SCN11A: variants seen among roughly 807,000 people sequenced by gnomAD.
SCN11A encodes sodium channel protein type 11 subunit alpha.
SCN11A carries 122 observed loss-of-function variants against 162.2 expected under a neutral mutation model. The ratio of observed to expected loss-of-function variants is 0.75; its 90% confidence interval spans 0.65 to 0.87. The LOEUF (loss-of-function observed/expected upper bound fraction) is 0.87, where lower values mean the gene tolerates loss of function less well. Among genes scored for constraint, SCN11A ranks in the 40% least tolerant of loss-of-function variants. SCN11A has a pLI of 0.00. For missense variants in SCN11A, 2,015 were observed against 2,181.6 expected (o/e 0.92, Z 1.52); for synonymous variants, 758 against 751.5 (o/e 1.01, Z -0.14).
At position 38,903,764 on chromosome 3, in the gene SCN11A, A is replaced by C. The variant is rs2065741318; in HGVS notation, c.1842+101T>G. The C allele has an allele frequency of 3.4e-6, 3 of 877,108 alleles. No individual in the cohort carries two copies. In the Admixed American group the frequency reaches 8.9e-5, roughly 26 times the overall value. 54.3% of individuals were successfully genotyped at this position (877,108 alleles called of 1,614,324 possible). ...CTCACTCCACTGAAGGGGACCAAAA[A>C]CCTAGGTTAGGTTAGCTCATTCACA... On this transcript the variant is annotated intron_variant, in intron 16 of 29. Coordinates refer to ENST00000302328, the MANE Select transcript of SCN11A (RefSeq NM_001349253.2).
intron 9 of SCN11A, among the ~76,000 whole-genome samples, chr3:38,922,592 T>C (rs1217794455): frequency 6.6e-6 from 1 of 152,090 alleles, no homozygotes; most frequent in Non-Finnish European, 1.5e-5. Flanking sequence ...TATTTACTTA[T>C]GTGAAAATAA....
rs72855722 is a variant in SCN11A at position 38,925,190 on chromosome 3, A to G, written c.712+225T>C. On this transcript the variant is annotated intron_variant, in intron 9 of 29. Coordinates refer to ENST00000302328, the MANE Select transcript of SCN11A (RefSeq NM_001349253.2). The stretch of plus-strand genomic sequence containing the variant: ...TCTCCCCACCCCCACCATAGAAGGT[A>G]AAACTCCATGAGTCCGTATCCATTT... Among the ~76,000 whole-genome samples the G allele has an allele frequency of 0.067, 10,173 of 151,600 alleles. 1,103 individuals are homozygous for G. The highest frequency in any genetic ancestry group is 0.23 in the African/African-American group (9,348 of 41,220).
intron 1 of SCN11A, among the ~76,000 whole-genome samples, chr3:39,043,178 G>A (rs986480797): frequency 2.0e-5 from 3 of 152,018 alleles, no homozygotes; most frequent in African/African-American, 4.8e-5. Flanking sequence ...AAATGTTGGC[G>A]AGGATGTGGA....
At chr3:38,898,444 C>A (rs530472638) in intron 17 of SCN11A, among the ~76,000 whole-genome samples, 1 of 152,280 alleles carries the variant, frequency 6.6e-6, no homozygotes, top group South Asian at 2.1e-4. Context: ...AAAACATTTA[C>A]CATGTGGCCC....
chr3:38,921,297 A>T, intron 9 of SCN11A, 42 bp from the exon 10 acceptor site: 1 of 1,588,794 alleles, frequency 6.3e-7, no homozygotes, highest in African/African-American at 1.3e-5. Context: ...CATCCCCCTC[A>T]GCCAGACACT....
At position 38,847,012 on chromosome 3, in the gene SCN11A, A is replaced by C. The variant is rs2064679230; in HGVS notation, c.5058T>G (p.Leu1686=). The C allele has an allele frequency of 1.2e-6, 2 of 1,613,982 alleles. No homozygotes were observed. Among genetic ancestry groups the C allele is most frequent in the African/African-American group, 1.3e-5 (1 of 74,904 alleles). ...SEDRLHCMDI[L]FAFTARVLGG... ...CGAGTACCCTAGCGGTGAAGGCGAA[A>C]AGAATATCCATGCAGTGGAGGCGAT... The change falls in exon 30 of 30, where the codon CTT becomes CTG. Residue 1686 remains leucine (L), a synonymous_variant. Coordinates refer to ENST00000302328, the MANE Select transcript of SCN11A (RefSeq NM_001349253.2).
intron 9 of SCN11A, among the ~76,000 whole-genome samples, chr3:38,921,707 G>A (rs1575294507): frequency 6.6e-6 from 1 of 152,152 alleles, no homozygotes; most frequent in Non-Finnish European, 1.5e-5. Flanking sequence ...GTGGGGTATA[G>A]GGGATGAAGG....
chr3:38,914,633 T>C (rs562883335), intron 11 of SCN11A, among the ~76,000 whole-genome samples: 3 of 152,356 alleles, frequency 2.0e-5, no homozygotes, highest in East Asian at 3.9e-4. Flanking sequence ...TTGTCATAGA[T>C]GGCTCTTATT....
At chr3:38,979,668 C>T (rs2029946180) in intron 2 of SCN11A, among the ~76,000 whole-genome samples, 1 of 152,216 alleles carries the variant, frequency 6.6e-6, no homozygotes, top group Non-Finnish European at 1.5e-5. Context: ...GCCAAGTCTG[C>T]ATAGTGTTTC....
rs756161746 is a variant in SCN11A, at chr3:38,846,795, G to A, written c.5275C>T (p.Gln1759Ter). 1.9e-6 allele frequency: 3 copies of A among 1,614,008 alleles called. No individual in the cohort carries two copies. Among genetic ancestry groups the A allele is most frequent in the Non-Finnish European group, 2.5e-6 (3 of 1,179,988 alleles). ...TGAGGCCCGTTTTCCAAGTCATTTT[G>A]GTCACCTTGGTCACCCTTGGTCACC... is the stretch of plus-strand genomic sequence containing the variant. ...MKVTKGDQGD[Q>*]NDLENGPHSP... Residue 1759 changes from glutamine to a stop codon, truncating the protein, a stop_gained, in exon 30 of 30, where the codon CAA becomes TAA. Coordinates refer to ENST00000302328, the MANE Select transcript of SCN11A (RefSeq NM_001349253.2). LOFTEE classifies it low-confidence loss of function (END_TRUNC).
chr3:38,850,298 ACTCT>A, intron 29 of SCN11A, 179 bp downstream of exon 29: 1 of 588,444 alleles, frequency 1.7e-6, no homozygotes. Context: ...AACAGAAATT[ACTCT>A]CTATCTCCTA....
intron 7 of SCN11A, among the ~76,000 whole-genome samples, chr3:38,942,309 A>G (rs940164520): frequency 6.6e-6 from 1 of 152,166 alleles, no homozygotes; most frequent in African/African-American, 2.4e-5. Context: ...CTAAGTAAAA[A>G]TCAGTAAAGG....
intron 28 of SCN11A, among the ~76,000 whole-genome samples, chr3:38,859,100 C>T (rs1424820693): frequency 1.3e-5 from 2 of 151,774 alleles, no homozygotes; most frequent in Admixed American, 6.6e-5. Flanking sequence ...AATCTAAGGT[C>T]AGATCTCAAG....
chr3:39,002,767 ATT>A (rs2030855936), intron 2 of SCN11A, among the ~76,000 whole-genome samples: 1 of 152,184 alleles, frequency 6.6e-6, no homozygotes, highest in African/African-American at 2.4e-5. Flanking sequence ...CTCTTCTGTA[ATT>A]TTGTTTGCTT....
chr3:38,951,165 C>A (rs1049521487), intron 4 of SCN11A, among the ~76,000 whole-genome samples: 1 of 152,204 alleles, frequency 6.6e-6, no homozygotes, highest in Admixed American at 6.5e-5. Context: ...GAGGCGCGAG[C>A]GGGAACCGGG....
At chr3:39,029,724 T>C (rs985301835) in intron 2 of SCN11A, among the ~76,000 whole-genome samples, 6 of 152,246 alleles carry the variant, frequency 3.9e-5, no homozygotes, top group Non-Finnish European at 7.3e-5. Context: ...AAAGGGTCCA[T>C]TGGACAGTCA....
chr3:38,897,353 C>A, intron 17 of SCN11A, 128 bp from the exon 18 acceptor site: 2 of 856,312 alleles, frequency 2.3e-6, no homozygotes, highest in Non-Finnish European at 3.6e-6. Flanking sequence ...AAAGTTAAAT[C>A]TATCCTGAAC....
chr3:38,867,561 C>T, intron 26 of SCN11A, 103 bp from the exon 27 acceptor site: 1 of 800,500 alleles, frequency 1.2e-6, no homozygotes, highest in East Asian at 2.6e-5. Context: ...TTAGCAGCAA[C>T]ATTGACTACA....
intron 2 of SCN11A, among the ~76,000 whole-genome samples, chr3:38,993,622 A>ATC (rs1160992445): frequency 6.6e-6 from 1 of 152,004 alleles, no homozygotes; most frequent in Non-Finnish European, 1.5e-5. Context: ...CAGAAGAAAC[A>ATC]GAGGTCTGAG....
Sources: gnomAD v4.1 joint callset for allele counts (sites outside exome capture counted in the v4.1 genomes callset) on GRCh38, gnomAD v4.1.1 for gene constraint, MANE v1.5 for transcripts, NCBI Gene and HGNC (gene_info 2026-07-23, HGNC 2026-07-21) for gene names.